PAX7: variants seen among roughly 807,000 people sequenced by gnomAD.
PAX7 encodes the protein paired box protein Pax-7.
PAX7 carries 18 observed loss-of-function variants against 50.7 expected under a neutral mutation model. That is an observed-to-expected ratio of 0.36 (90% CI 0.25 to 0.53). The LOEUF is 0.53. Among genes scored for constraint, PAX7 ranks in the 20% least tolerant of loss-of-function variants. PAX7 has a pLI of 0.93. For missense variants in PAX7, 644 were observed against 702.9 expected (o/e 0.92, Z 0.95); for synonymous variants, 310 against 290.4 (o/e 1.07, Z -0.69).
chr1:18,680,877 G>A (rs941991449), intron 4 of PAX7, among the ~76,000 whole-genome samples: 1 of 152,178 alleles, frequency 6.6e-6, no homozygotes, highest in Non-Finnish European at 1.5e-5. Flanking sequence ...AAGATTTTGA[G>A]CCGGGCGCGG....
intron 7 of PAX7, among the ~76,000 whole-genome samples, chr1:18,725,973 TG>T (rs1423128035): frequency 1.4e-5 from 2 of 140,466 alleles, no homozygotes; most frequent in African/African-American, 5.7e-5. Context: ...AAACAGACAT[TG>T]GAAGAGTGTG....
At chr1:18,694,511 T>TAA (rs1557535044) in intron 5 of PAX7, among the ~76,000 whole-genome samples, 1,430 of 138,682 alleles carry the variant, frequency 0.01, 16 homozygotes, top group East Asian at 0.049. Context: ...TAAATAAATA[T>TAA]AAAATAAAAT....
At chr1:18,743,326 G>A (rs1315317996) in intron 8 of PAX7, among the ~76,000 whole-genome samples, 1 of 152,184 alleles carries the variant, frequency 6.6e-6, no homozygotes, top group Admixed American at 6.5e-5. Flanking sequence ...GAACCACTAG[G>A]CAATACAGCC....
At chr1:18,716,926 G>C (rs1487828588) in intron 7 of PAX7, among the ~76,000 whole-genome samples, 3 of 151,830 alleles carry the variant, frequency 2.0e-5, no homozygotes, top group Non-Finnish European at 2.9e-5. Context: ...GGCAGGGACC[G>C]GGCGCGGGCT....
At chr1:18,637,754 G>T (rs1168946265) in intron 4 of PAX7, among the ~76,000 whole-genome samples, 1 of 152,284 alleles carries the variant, frequency 6.6e-6, no homozygotes, top group Non-Finnish European at 1.5e-5. Flanking sequence ...TGTGACAGCG[G>T]CCTGGAGCGA....
chr1:18,708,999 T>G (rs2089317389), intron 7 of PAX7, among the ~76,000 whole-genome samples: 1 of 152,080 alleles, frequency 6.6e-6, no homozygotes, highest in Non-Finnish European at 1.5e-5. Flanking sequence ...GAGGGTCCCT[T>G]GGGTTGAAGG....
At chr1:18,730,335 G>T (rs146224141) in intron 7 of PAX7, among the ~76,000 whole-genome samples, 1 of 152,298 alleles carries the variant, frequency 6.6e-6, no homozygotes, top group African/African-American at 2.4e-5. Flanking sequence ...TCCAGGCCCA[G>T]TGCCCTCGGG....
chr1:18,639,757 A>G (rs2088220781), intron 4 of PAX7, among the ~76,000 whole-genome samples: 1 of 152,180 alleles, frequency 6.6e-6, no homozygotes, highest in Non-Finnish European at 1.5e-5. Flanking sequence ...GAAATAAGCA[A>G]TAGTATAAAA....
chr1:18,652,711 A>T (rs2088452666), intron 4 of PAX7, among the ~76,000 whole-genome samples: 1 of 152,196 alleles, frequency 6.6e-6, no homozygotes, highest in South Asian at 2.1e-4. Context: ...CAAAGGAGAG[A>T]TTATTAATTA....
chr1:18,705,041 A>G lies in PAX7; in HGVS notation c.1155+1745A>G, dbSNP rs140063581. 3.9e-4 allele frequency among the ~76,000 whole-genome samples: 60 copies of G among 152,320 alleles called. No homozygotes were observed. In the East Asian group the frequency reaches 6.8e-3, roughly 17 times the overall value. On this transcript the variant is annotated intron_variant, in intron 7 of 8. Transcript: ENST00000420770. ...CCTGCGGAGCTCCTAATGGTGACGT[A>G]TCAAGCCCTCTCAGGGTCCGCAGTA...
Position 18,699,836 on chromosome 1 carries a change from C to T in PAX7, c.787-817C>T, listed in dbSNP as rs553029132. ...TCGGCCTCCCAAAGTGCTGGGATTACAGGTGTGAGCCGCTGCGCCCGGCCA... is the reference window on the plus strand; with the variant it reads ...TCGGCCTCCCAAAGTGCTGGGATTATAGGTGTGAGCCGCTGCGCCCGGCCA... On this transcript the variant is annotated intron_variant, in intron 5 of 8. Coordinates refer to ENST00000420770, the MANE Select transcript of PAX7 (RefSeq NM_001135254.2). 4.6e-5 allele frequency among the ~76,000 whole-genome samples: 7 copies of T among 152,280 alleles called. No homozygotes were observed. In the South Asian group the frequency reaches 1.5e-3, roughly 32 times the overall value.
chr1:18,675,862 G>A (rs1312167498), intron 4 of PAX7, among the ~76,000 whole-genome samples: 6 of 152,080 alleles, frequency 3.9e-5, no homozygotes, highest in South Asian at 4.2e-4. Context: ...TCCCGGCAGC[G>A]GGGAGATGCA....
chr1:18,710,408 C>A lies in PAX7; in HGVS notation c.1155+7112C>A, dbSNP rs138879718. 3.9e-3 allele frequency among the ~76,000 whole-genome samples: 591 copies of A among 152,210 alleles called. 5 individuals are homozygous for A. The highest frequency in any genetic ancestry group is 0.014 in the African/African-American group (561 of 41,504). On this transcript the variant is annotated intron_variant, in intron 7 of 8. Coordinates refer to ENST00000420770, the MANE Select transcript of PAX7 (RefSeq NM_001135254.2). ...TATCACTTCCTCTTCATGCCCCCAC[C>A]CCTTCATTGGCGACACTGCGTTTAT... is the stretch of plus-strand genomic sequence containing the variant.
At chr1:18,731,153 G>A (rs1375123786) in intron 7 of PAX7, among the ~76,000 whole-genome samples, 1 of 152,198 alleles carries the variant, frequency 6.6e-6, no homozygotes, top group East Asian at 1.9e-4. Flanking sequence ...TTCTTGAGAG[G>A]GGTGGATTAC....
intron 5 of PAX7, among the ~76,000 whole-genome samples, chr1:18,692,256 G>T (rs1243944855): frequency 6.6e-6 from 1 of 151,972 alleles, no homozygotes; most frequent in Admixed American, 6.6e-5. Flanking sequence ...AAAGAAGGGA[G>T]GGAGGCCAGG....
chr1:18,678,081 GAAAAAAAAAAAAAAAGAAA>G (rs1416512340), intron 4 of PAX7, among the ~76,000 whole-genome samples: 1 of 126,380 alleles, frequency 7.9e-6, no homozygotes, highest in Non-Finnish European at 1.7e-5. Context: ...GACTCCGTCT[GAAAAAAAAAAAAAAAGAAA>G]AAGAAAAGAA....
rs1371620291 is a variant in PAX7, at chr1:18,700,506, C to T, written c.787-147C>T. 7 of 603,290 alleles carry T rather than the reference C, an allele frequency of 1.2e-5. No homozygotes were observed. The highest frequency in any genetic ancestry group is 1.1e-4 in the South Asian group (3 of 27,230). The allele number at this position is 603,290 out of a possible 1,614,324, so 37.4% of individuals were successfully genotyped here. A position where few individuals can be genotyped will look rare whatever the true frequency, so the allele number is the denominator to read the frequency against. ...ATACCTATGAAATCACTCTGCAAAG[C>T]GTCCTGTGCTGCACAATGCCGGGGC... On this transcript the variant is annotated intron_variant, in intron 5 of 8. Transcript: ENST00000420770. This position sits in a 1 kb window ranked among gnomAD's most constrained non-coding sequence, Gnocchi z 4.8.
intron 5 of PAX7, among the ~76,000 whole-genome samples, chr1:18,699,724 C>G (rs2089193452): frequency 6.6e-6 from 1 of 152,042 alleles, no homozygotes; most frequent in African/African-American, 2.4e-5. Context: ...CCATGCCCGG[C>G]TAATTTTTTT....
At chr1:18,732,823 C>T (rs2236799) in intron 7 of PAX7, among the ~76,000 whole-genome samples, 42,175 of 151,976 alleles carry the variant, frequency 0.28, 6,457 homozygotes, top group Admixed American at 0.39. Context: ...AACCATCCCC[C>T]GACTCCTCCC....
Sources: allele counts gnomAD v4.1 joint callset (sites outside exome capture counted in the v4.1 genomes callset), GRCh38; gene constraint gnomAD v4.1.1; non-coding constraint Gnocchi (gnomAD v3.1); transcripts MANE v1.5; gene names NCBI Gene and HGNC (gene_info 2026-07-23, HGNC 2026-07-21).